Variants in CYFIP1 observed in about 807,000 individuals in gnomAD.
CYFIP1 encodes the protein cytoplasmic FMR1 interacting protein 1, also known as cytoplasmic FMR1-interacting protein 1.
CYFIP1 carries 58 observed loss-of-function variants against 163.5 expected under a neutral mutation model. That is an observed-to-expected ratio of 0.35 (90% CI 0.29 to 0.44). CYFIP1 has a LOEUF of 0.44. Ranked by LOEUF, CYFIP1 falls within the 20% of genes least tolerant of loss-of-function variation. The pLI is 1.00. For synonymous variants in CYFIP1, 663 were observed against 660.7 expected, an observed-to-expected ratio of 1.00 and a Z score of -0.05; for missense variants, 1,338 against 1,653.8, an observed-to-expected ratio of 0.81 and a Z score of 3.31.
chr15:22,962,081 G>A (rs1472761679), intron 1 of CYFIP1, among the ~76,000 whole-genome samples: 1 of 152,200 alleles, frequency 6.6e-6, no homozygotes, highest in Admixed American at 6.5e-5. Flanking sequence ...GTGAGAAACA[G>A]TGTCAAGGCA....
rs1210100422 is a variant in CYFIP1 at position 22,868,179 on chromosome 15, T to C, written c.*1849A>G. On this transcript the variant is annotated 3_prime_UTR_variant, in exon 31 of 31. Coordinates refer to ENST00000617928, the MANE Select transcript of CYFIP1 (RefSeq NM_014608.6). ...GAAACTCCCTTTTTTCCAACTTTAT[T>C]ATTGGCCTTCTAAGGAGCTGTTTTA... The C allele has an allele frequency of 6.6e-6, 1 of 152,212 alleles. No individual in the cohort carries two copies. Among genetic ancestry groups the C allele is most frequent in the Non-Finnish European group, 1.5e-5 (1 of 68,034 alleles). 9.4% of individuals were successfully genotyped at this position (152,212 alleles called of 1,614,324 possible).
In CYFIP1 at chr15:22,867,695, CATGTT is replaced by C. The variant is rs1364772465; in HGVS notation, c.*2328_*2332del. 1 of 152,314 alleles carries C rather than the reference CATGTT, an allele frequency of 6.6e-6. No homozygotes were observed. Among genetic ancestry groups the C allele is most frequent in the Non-Finnish European group, 1.5e-5 (1 of 68,224 alleles). The allele number at this position is 152,314 out of a possible 1,614,324, so 9.4% of individuals were successfully genotyped here. ...CTAGGGTTGTTTCTTAAATTTAGCT[CATGTT>C]ATAATAAAAAGTTGAAATGAAGTTC... is the stretch of plus-strand genomic sequence containing the variant. On this transcript the variant is annotated 3_prime_UTR_variant, in exon 31 of 31. Transcript: ENST00000617928.
At chr15:22,905,755 GTTT>G (rs11418194) in intron 21 of CYFIP1, among the ~76,000 whole-genome samples, 1 of 146,168 alleles carries the variant, frequency 6.8e-6, no homozygotes, top group Non-Finnish European at 1.5e-5. Flanking sequence ...TCTTATTTCT[GTTT>G]TTTTTTTTGT....
intron 11 of CYFIP1, among the ~76,000 whole-genome samples, chr15:22,928,278 G>A (rs1323056002): frequency 1.3e-5 from 2 of 152,194 alleles, no homozygotes; most frequent in Non-Finnish European, 2.9e-5. Flanking sequence ...AGCTACTTCA[G>A]AGGCTGAGGC....
chr15:22,877,363 G>C (rs1034006346), intron 26 of CYFIP1, among the ~76,000 whole-genome samples: 7 of 152,132 alleles, frequency 4.6e-5, no homozygotes, highest in African/African-American at 1.7e-4. Flanking sequence ...AGAGTCATGA[G>C]CCAAATAAAC....
At chr15:22,919,179 G>A (rs771858828) in intron 13 of CYFIP1, among the ~76,000 whole-genome samples, 11 of 152,122 alleles carry the variant, frequency 7.2e-5, no homozygotes, top group Admixed American at 2.0e-4. Context: ...AGGAAAGCAG[G>A]CATGATATTA....
rs2060766543 is a variant in CYFIP1 at position 22,910,918 on chromosome 15, T to C, written c.2083-105A>G. Reference sequence around the variant, plus strand: ...GTTAAGGCAACTAACTGAGGCTCTTTTATTTTTTTGAGACGGAGTCTTGCT... The same window carrying C: ...GTTAAGGCAACTAACTGAGGCTCTTCTATTTTTTTGAGACGGAGTCTTGCT... On this transcript the variant is annotated intron_variant, in intron 18 of 30. Coordinates refer to ENST00000617928, the MANE Select transcript of CYFIP1 (RefSeq NM_014608.6). 4.0e-6 allele frequency: 4 copies of C among 1,010,622 alleles called. 1 individual carries two copies. In the South Asian group the frequency reaches 5.7e-5, roughly 14 times the overall value. The allele number at this position is 1,010,622 out of a possible 1,614,324, so 62.6% of individuals were successfully genotyped here.
chr15:22,867,632 T>TGTCA lies in CYFIP1; in HGVS notation c.*2392_*2395dup. ...AGTATATTTTCATAATGAGTTATATTGTCATTTAGACTTTGAACAGCTCTG... is the reference window on the plus strand; with the variant it reads ...AGTATATTTTCATAATGAGTTATATTGTCAGTCATTTAGACTTTGAACAGCTCTG... On this transcript the variant is annotated 3_prime_UTR_variant, in exon 31 of 31. Transcript: ENST00000617928. The TGTCA allele has an allele frequency of 6.4e-6, 1 of 156,762 alleles. No individual in the cohort carries two copies. The highest frequency in any genetic ancestry group is 1.4e-5 in the Non-Finnish European group (1 of 71,154). The allele number at this position is 156,762 out of a possible 1,614,324, so 9.7% of individuals were successfully genotyped here.
intron 13 of CYFIP1, among the ~76,000 whole-genome samples, chr15:22,924,183 G>A (rs566025979): frequency 6.6e-6 from 1 of 152,188 alleles, no homozygotes; most frequent in South Asian, 2.1e-4. Flanking sequence ...TGGCACTTTG[G>A]AAGCCCAAGG....
At chr15:22,878,073 AC>A (rs1279069030) in intron 26 of CYFIP1, among the ~76,000 whole-genome samples, 1 of 152,192 alleles carries the variant, frequency 6.6e-6, no homozygotes, top group African/African-American at 2.4e-5. Flanking sequence ...GCTACCAGAG[AC>A]CTAAAGACAA....
At position 22,974,991 on chromosome 15, in the gene CYFIP1, C is replaced by A. The variant is rs530471839; in HGVS notation, c.-7+5296G>T. 2.5e-4 allele frequency among the ~76,000 whole-genome samples: 38 copies of A among 152,110 alleles called. 1 individual carries two copies. The highest frequency in any genetic ancestry group is 1.7e-3 in the Admixed American group (26 of 15,264). On this transcript the variant is annotated intron_variant, in intron 1 of 30. Transcript: ENST00000617928. ...CACTTCCTCCTCCTTGGCCTGCTCA[C>A]TGTGAGCTTTTTGAGGATGGAGACC... is the stretch of plus-strand genomic sequence containing the variant.
chr15:22,929,113 G>C (rs1024148236), intron 11 of CYFIP1, among the ~76,000 whole-genome samples: 1 of 151,710 alleles, frequency 6.6e-6, no homozygotes, highest in Non-Finnish European at 1.5e-5. Flanking sequence ...TCAGCTACTC[G>C]GGAAGCTGAG....
intron 22 of CYFIP1, among the ~76,000 whole-genome samples, chr15:22,898,875 C>T (rs560205052): frequency 1.3e-3 from 205 of 151,942 alleles, no homozygotes; most frequent in African/African-American, 4.6e-3. Flanking sequence ...TGGTGGCGGG[C>T]GACTATAGTC....
intron 20 of CYFIP1, among the ~76,000 whole-genome samples, chr15:22,910,155 AT>A (rs79430425): frequency 8.1e-5 from 12 of 149,034 alleles, no homozygotes; most frequent in Middle Eastern, 3.5e-3. Flanking sequence ...AATCTCAATC[AT>A]TTTTTTTTTC....
At chr15:22,973,737 T>C (rs2063177289) in intron 1 of CYFIP1, among the ~76,000 whole-genome samples, 1 of 152,174 alleles carries the variant, frequency 6.6e-6, no homozygotes, top group Admixed American at 6.5e-5. Flanking sequence ...AAAAATGTTC[T>C]GCACAGCAAA....
intron 1 of CYFIP1, among the ~76,000 whole-genome samples, chr15:22,979,141 C>CT (rs1274078718): frequency 1.3e-5 from 2 of 152,188 alleles, no homozygotes; most frequent in African/African-American, 2.4e-5. Context: ...TATATCCCTA[C>CT]TGGCCCTACG....
chr15:22,891,613 C>T (rs2060085197), intron 23 of CYFIP1, among the ~76,000 whole-genome samples: 1 of 152,216 alleles, frequency 6.6e-6, no homozygotes, highest in African/African-American at 2.4e-5. Flanking sequence ...CCCCGGCCCA[C>T]ACTCGCTCTT....
intron 22 of CYFIP1, among the ~76,000 whole-genome samples, chr15:22,901,267 C>G (rs57075135): frequency 0.01 from 1,534 of 151,980 alleles, 27 homozygotes; most frequent in African/African-American, 0.036. Context: ...GTGAAGATAA[C>G]TGATTCGGAC....
intron 17 of CYFIP1, 40 bp downstream of exon 17, chr15:22,914,683 TCAC>T (rs777646797): frequency 6.4e-7 from 1 of 1,564,086 alleles, no homozygotes; most frequent in South Asian, 1.2e-5. Context: ...GGACCCCCGG[TCAC>T]CACACACAAA....
Sources: gnomAD v4.1 joint callset for allele counts (sites outside exome capture counted in the v4.1 genomes callset) on GRCh38, gnomAD v4.1.1 for gene constraint, MANE v1.5 for transcripts, NCBI Gene and HGNC (gene_info 2026-07-23, HGNC 2026-07-21) for gene names.